The following PSPH variants were observed in gnomAD, a reference collection of about 807,000 sequenced individuals.
PSPH encodes the protein L-3-phosphoserine phosphatase.
Under a neutral mutation model 23.4 loss-of-function variants are expected in PSPH, and 16 were observed. That is an observed-to-expected ratio of 0.68 (90% CI 0.46 to 1.04). The LOEUF (loss-of-function observed/expected upper bound fraction) is 1.04. Among genes scored for constraint, PSPH ranks in the 50% least tolerant of loss-of-function variants. The probability of loss-of-function intolerance (pLI) is 0.00; values close to 1 mark genes in which losing one functional copy is unlikely to be tolerated. For synonymous variants in PSPH, 68 were observed against 99.7 expected, an observed-to-expected ratio of 0.68 and a Z score of 1.89; for missense variants, 223 against 273.7, an observed-to-expected ratio of 0.81 and a Z score of 1.31.
chr7:56,033,613 G>A (rs1330490887), intron 2 of PSPH: 1 of 151,984 alleles, frequency 6.6e-6, no homozygotes, highest in Non-Finnish European at 1.5e-5. Flanking sequence ...TTATAACAAT[G>A]TATCTGGTAA....
At chr7:56,016,356 A>G (rs1289671421) in intron 6 of PSPH, among the ~76,000 whole-genome samples, 1 of 143,058 alleles carries the variant, frequency 7.0e-6, no homozygotes, top group African/African-American at 2.5e-5. Context: ...GTGAGCCGAG[A>G]TGGAGCCACT....
chr7:56,012,525 A>G (rs1788029217), intron 7 of PSPH, among the ~76,000 whole-genome samples: 1 of 151,734 alleles, frequency 6.6e-6, no homozygotes, highest in South Asian at 2.1e-4. Context: ...TCCCTGAGAA[A>G]TCTCTTCATT....
intron 3 of PSPH, among the ~76,000 whole-genome samples, chr7:56,027,335 A>T (rs1334874446): frequency 6.6e-6 from 1 of 152,154 alleles, no homozygotes; most frequent in African/African-American, 2.4e-5. Flanking sequence ...CTGACACAAG[A>T]CCCAAAGAGG....
At chr7:56,025,459 T>C (rs1362477633) in intron 3 of PSPH, among the ~76,000 whole-genome samples, 2 of 152,068 alleles carry the variant, frequency 1.3e-5, no homozygotes, top group Non-Finnish European at 2.9e-5. Context: ...TGTTTTACCA[T>C]GTTGCCCAAG....
chr7:56,028,485 G>A (rs1296980073), intron 3 of PSPH, among the ~76,000 whole-genome samples: 1 of 152,112 alleles, frequency 6.6e-6, no homozygotes, highest in East Asian at 1.9e-4. Flanking sequence ...TCCCATCTCA[G>A]CCTCCCAAAG....
Position 56,015,026 on chromosome 7 carries a change from A to G in PSPH, c.567T>C (p.Pro189=). 6.2e-7 allele frequency: 1 copy of G among 1,614,036 alleles called. No homozygotes were observed. The highest frequency in any genetic ancestry group is 8.5e-7 in the Non-Finnish European group (1 of 1,179,952). Reference sequence around the variant, plus strand: ...AATTAGCACCCTTAATACATACAGCAGGAGGACAGGCTTCCATATCTGTGG... The same window carrying G: ...AATTAGCACCCTTAATACATACAGCGGGAGGACAGGCTTCCATATCTGTGG... ...DGATDMEACP[P]ADAFIGFGGN... The change falls in exon 7 of 8, where the codon CCT becomes CCC. Residue 189 remains proline, a synonymous_variant. Transcript: ENST00000275605.
intron 3 of PSPH, among the ~76,000 whole-genome samples, chr7:56,031,385 G>T (rs1790986405): frequency 6.6e-6 from 1 of 152,176 alleles, no homozygotes; most frequent in Admixed American, 6.6e-5. Flanking sequence ...ATATACCCAT[G>T]TAACAAACCT....
At chr7:56,030,259 G>A (rs572219755) in intron 3 of PSPH, among the ~76,000 whole-genome samples, 10 of 152,010 alleles carry the variant, frequency 6.6e-5, no homozygotes, top group East Asian at 1.9e-4. Context: ...AGAAGTGTGC[G>A]CCACCACACC....
chr7:56,015,585 C>G (rs1263297712), intron 6 of PSPH, among the ~76,000 whole-genome samples: 1 of 152,098 alleles, frequency 6.6e-6, no homozygotes, highest in East Asian at 1.9e-4. Context: ...TTGTTGTATC[C>G]TTTAAGCTTC....
chr7:56,030,234 C>T (rs910010944), intron 3 of PSPH, among the ~76,000 whole-genome samples: 29 of 151,946 alleles, frequency 1.9e-4, no homozygotes, highest in African/African-American at 6.5e-4. Flanking sequence ...CTCAGCCTCC[C>T]GAATAGCTGG....
At chr7:56,047,466 C>T (rs1793401385) in intron 1 of PSPH, among the ~76,000 whole-genome samples, 1 of 151,858 alleles carries the variant, frequency 6.6e-6, no homozygotes, top group Non-Finnish European at 1.5e-5. Context: ...CACATATTTT[C>T]CCATAAGATG....
rs1335846307 is a variant in PSPH, at chr7:56,011,825, G to A, written c.615C>T (p.Val205=). Residue 205 remains valine (V), a synonymous_variant, in exon 8 of 8, where the codon GTC becomes GTT. Transcript: ENST00000275605. The part of the protein sequence containing the change: ...GFGGNVIRQQ[V]KDNAKWYITD... Reference sequence around the variant, plus strand: ...TGATATACCATTTGGCGTTATCCTTGACTTGTTGCCTGATCACATTTCCTC... The same window carrying A: ...TGATATACCATTTGGCGTTATCCTTAACTTGTTGCCTGATCACATTTCCTC... The A allele has an allele frequency of 1.2e-6, 2 of 1,613,292 alleles. No individual in the cohort carries two copies. The highest frequency in any genetic ancestry group is 1.3e-5 in the African/African-American group (1 of 74,880).
intron 1 of PSPH, among the ~76,000 whole-genome samples, chr7:56,043,756 G>C (rs1280137122): frequency 1.3e-5 from 2 of 150,002 alleles, no homozygotes; most frequent in Non-Finnish European, 3.0e-5. Context: ...TTGAGCCCCA[G>C]GGTGGAAGCT....
At chr7:56,019,439 G>A (rs755438458) in intron 5 of PSPH, among the ~76,000 whole-genome samples, 161 bp downstream of exon 5, 9 of 124,062 alleles carry the variant, frequency 7.3e-5, no homozygotes, top group Non-Finnish European at 1.5e-4. Flanking sequence ...ACTTCATCTC[G>A]AAAAAATACA....
At chr7:56,045,513 G>A (rs1793107301) in intron 1 of PSPH, among the ~76,000 whole-genome samples, 1 of 151,948 alleles carries the variant, frequency 6.6e-6, no homozygotes, top group Non-Finnish European at 1.5e-5. Context: ...CTTGCAAATG[G>A]TTAGGTCTGA....
Position 56,017,258 on chromosome 7 carries a change from T to C in PSPH, c.397A>G (p.Asn133Asp). ...CCGTTAAAGTAGAATTTCAGCCTAT[T>C]GGCAAATACATTGGTTGCTGGGATA... ...LNIPATNVFA[N>D]RLKFYFNGEY... The change falls in exon 6 of 8, where the codon AAT becomes GAT. Residue 133 changes from asparagine to aspartate, a missense_variant. Coordinates refer to ENST00000275605, the MANE Select transcript of PSPH (RefSeq NM_004577.4). 2.5e-6 allele frequency: 4 copies of C among 1,613,958 alleles called. No homozygotes were observed. Among genetic ancestry groups the C allele is most frequent in the Non-Finnish European group, 3.4e-6 (4 of 1,179,862 alleles).
intron 7 of PSPH, among the ~76,000 whole-genome samples, chr7:56,013,592 G>A (rs1788216862): frequency 6.6e-6 from 1 of 151,850 alleles, no homozygotes; most frequent in Non-Finnish European, 1.5e-5. Flanking sequence ...GGTGTGGGAT[G>A]CAGTGGCACA....
At chr7:56,032,653 CAA>C (rs71015165) in intron 2 of PSPH, among the ~76,000 whole-genome samples, 28 of 80,540 alleles carry the variant, frequency 3.5e-4, no homozygotes, top group Admixed American at 6.0e-4. Context: ...GAGCGAGTCT[CAA>C]AAAAAAAAAA....
At chr7:56,029,194 GA>G (rs1790611051) in intron 3 of PSPH, among the ~76,000 whole-genome samples, 1 of 152,086 alleles carries the variant, frequency 6.6e-6, no homozygotes, top group Non-Finnish European at 1.5e-5. Context: ...GCTATAGGGG[GA>G]AAAAGTCTGC....
Sources: gnomAD v4.1 joint callset for allele counts (sites outside exome capture counted in the v4.1 genomes callset) on GRCh38, gnomAD v4.1.1 for gene constraint, MANE v1.5 for transcripts, NCBI Gene and HGNC (gene_info 2026-07-23, HGNC 2026-07-21) for gene names.